Variants in PTPRN2 observed in about 807,000 individuals in gnomAD.
PTPRN2 encodes protein tyrosine phosphatase receptor type N2, also known as receptor-type tyrosine-protein phosphatase N2.
In PTPRN2, 74 loss-of-function variants were observed where a neutral mutation model predicts 118.8. That is an observed-to-expected ratio of 0.62 (90% CI 0.52 to 0.76). PTPRN2 has a LOEUF of 0.76. PTPRN2 is among the 30% of genes least tolerant of loss of function. PTPRN2 has a pLI of 0.00. For missense variants in PTPRN2, 1,481 were observed against 1,394.4 expected (o/e 1.06, Z -0.99); for synonymous variants, 641 against 608.0 (o/e 1.05, Z -0.80).
rs369861951 is a variant in PTPRN2, at chr7:157,596,430, A to G, written c.2419-1115T>C. ...GTCCGAACGCATCTTGCTAGCTCCA[A>G]TGGGAGAAGGTTGGCTTAGAAGACC... On this transcript the variant is annotated intron_variant, in intron 16 of 22. Transcript: ENST00000389418. The surrounding 1 kb of genome is among the most constrained non-coding windows in gnomAD (Gnocchi z 4.2). Among the ~76,000 whole-genome samples, 10 of 152,336 alleles carry G rather than the reference A, an allele frequency of 6.6e-5. No homozygotes were observed. The highest frequency in any genetic ancestry group is 1.9e-4 in the East Asian group (1 of 5,196).
intron 2 of PTPRN2, among the ~76,000 whole-genome samples, chr7:158,336,392 T>A (rs2151192263): frequency 7.8e-6 from 1 of 128,944 alleles, no homozygotes; most frequent in African/African-American, 3.0e-5. Flanking sequence ...CAGACGTCAC[T>A]CACACCCACA....
chr7:158,504,801 A>C (rs989222037), intron 1 of PTPRN2, among the ~76,000 whole-genome samples: 1 of 152,228 alleles, frequency 6.6e-6, no homozygotes, highest in Non-Finnish European at 1.5e-5. Context: ...GAAACTTTAC[A>C]TTGTTTCCAA....
At chr7:157,860,322 C>G (rs1321765884) in intron 12 of PTPRN2, among the ~76,000 whole-genome samples, 1 of 152,218 alleles carries the variant, frequency 6.6e-6, no homozygotes, top group African/African-American at 2.4e-5. Flanking sequence ...CTAGGGATGT[C>G]CACGTGACCC....
chr7:158,296,174 A>G (rs1800486392), intron 3 of PTPRN2, among the ~76,000 whole-genome samples: 1 of 152,100 alleles, frequency 6.6e-6, no homozygotes, highest in Non-Finnish European at 1.5e-5. Context: ...TCCTGTGCCT[A>G]TAAAAACCCT....
chr7:158,123,036 C>A (rs1817302823), intron 9 of PTPRN2, among the ~76,000 whole-genome samples: 1 of 152,264 alleles, frequency 6.6e-6, no homozygotes, highest in Non-Finnish European at 1.5e-5. Context: ...GGACATTTTA[C>A]TATTTACTGC....
chr7:158,405,448 TG>T (rs1813329111), intron 2 of PTPRN2, among the ~76,000 whole-genome samples: 2 of 152,150 alleles, frequency 1.3e-5, no homozygotes, highest in African/African-American at 4.8e-5. Context: ...CTGGAGGAAA[TG>T]TTTTTTTAGC....
chr7:158,079,170 C>T (rs148213523), intron 11 of PTPRN2, among the ~76,000 whole-genome samples: 71 of 152,270 alleles, frequency 4.7e-4, no homozygotes, highest in African/African-American at 1.7e-3. Flanking sequence ...GCATCAGGCA[C>T]GTTCATGACA....
chr7:157,639,511 G>A (rs572488216), intron 14 of PTPRN2, among the ~76,000 whole-genome samples: 26 of 152,350 alleles, frequency 1.7e-4, no homozygotes, highest in Middle Eastern at 3.4e-3. Flanking sequence ...CCACAGACAC[G>A]TAGAATGCTG....
chr7:157,581,101 A>C (rs1293852796), intron 17 of PTPRN2, among the ~76,000 whole-genome samples: 2 of 124,648 alleles, frequency 1.6e-5, no homozygotes, highest in African/African-American at 3.2e-5. Context: ...ACACTCCAGC[A>C]CCTGCACACC....
intron 2 of PTPRN2, among the ~76,000 whole-genome samples, chr7:158,321,900 T>C (rs1465220361): frequency 2.6e-5 from 4 of 152,168 alleles, no homozygotes; most frequent in Non-Finnish European, 4.4e-5. Flanking sequence ...TTACTGTGCG[T>C]GCCCAAGGAT....
chr7:157,923,205 C>A (rs1176760668), intron 11 of PTPRN2, among the ~76,000 whole-genome samples: 1 of 152,224 alleles, frequency 6.6e-6, no homozygotes, highest in African/African-American at 2.4e-5. Context: ...TTATTCTTAA[C>A]CCTGACCTAT....
chr7:157,650,028 C>G (rs72505541), intron 14 of PTPRN2, among the ~76,000 whole-genome samples: 4 of 152,088 alleles, frequency 2.6e-5, no homozygotes, highest in Non-Finnish European at 5.9e-5. Context: ...TCGGTGGACG[C>G]GTAAATGGCT....
At chr7:157,693,935 C>A (rs1797648055) in intron 12 of PTPRN2, among the ~76,000 whole-genome samples, 1 of 152,250 alleles carries the variant, frequency 6.6e-6, no homozygotes, top group Non-Finnish European at 1.5e-5. Context: ...CGCACGCGGC[C>A]ACCCTGGGCC....
intron 3 of PTPRN2, among the ~76,000 whole-genome samples, chr7:158,256,087 G>A (rs1009359418): frequency 2.0e-5 from 3 of 152,218 alleles, no homozygotes; most frequent in Non-Finnish European, 2.9e-5. Flanking sequence ...GTCTCATCCA[G>A]GGATGTCCCG....
intron 10 of PTPRN2, among the ~76,000 whole-genome samples, chr7:158,092,219 C>T (rs1034576652): frequency 6.9e-6 from 1 of 145,794 alleles, no homozygotes; most frequent in African/African-American, 2.6e-5. Flanking sequence ...TATATATATA[C>T]ACACATATAT....
At chr7:157,999,229 C>T (rs563293564) in intron 11 of PTPRN2, among the ~76,000 whole-genome samples, 86 of 152,296 alleles carry the variant, frequency 5.6e-4, no homozygotes, top group African/African-American at 2.0e-3. Flanking sequence ...AACACAAACC[C>T]TCCTTCTCCC....
intron 12 of PTPRN2, among the ~76,000 whole-genome samples, chr7:157,795,012 C>CG (rs761894916): frequency 9.9e-5 from 15 of 152,204 alleles, no homozygotes; most frequent in Admixed American, 3.9e-4. Context: ...CCCTGTGCGT[C>CG]GCAGCCCCTC....
chr7:158,341,507 C>A (rs1334669786), intron 2 of PTPRN2, among the ~76,000 whole-genome samples: 3 of 125,474 alleles, frequency 2.4e-5, no homozygotes, highest in Admixed American at 1.6e-4. Flanking sequence ...CACGTGCAGA[C>A]GTCACTCACA....
chr7:157,950,961 C>T (rs926357834), intron 11 of PTPRN2, among the ~76,000 whole-genome samples: 2 of 152,158 alleles, frequency 1.3e-5, no homozygotes, highest in Admixed American at 6.5e-5. Flanking sequence ...AGAAGGTTTC[C>T]ATTGAGTTTG....
Sources: gnomAD v4.1 joint callset for allele counts (sites outside exome capture counted in the v4.1 genomes callset) on GRCh38, gnomAD v4.1.1 for gene constraint, Gnocchi (gnomAD v3.1) non-coding constraint, MANE v1.5 for transcripts, NCBI Gene and HGNC (gene_info 2026-07-23, HGNC 2026-07-21) for gene names.